The following GRIK4 variants were observed in gnomAD, a reference collection of about 807,000 sequenced individuals.
GRIK4 encodes glutamate receptor ionotropic, kainate 4.
In GRIK4, 40 loss-of-function variants were observed where a neutral mutation model predicts 104.9. The observed-to-expected ratio is 0.38, with a 90% CI of 0.30 to 0.50. The LOEUF (loss-of-function observed/expected upper bound fraction) is 0.50, where lower values mean the gene tolerates loss of function less well. Among genes scored for constraint, GRIK4 ranks in the 20% least tolerant of loss-of-function variants. GRIK4 has a pLI of 0.93. For missense variants in GRIK4, 1,047 were observed against 1,308.1 expected, an observed-to-expected ratio of 0.80 and a Z score of 3.08; for synonymous variants, 485 against 524.9, an observed-to-expected ratio of 0.92 and a Z score of 1.04.
At chr11:120,572,605 C>G (rs1423606020) in intron 1 of GRIK4, among the ~76,000 whole-genome samples, 1 of 152,194 alleles carries the variant, frequency 6.6e-6, no homozygotes, top group East Asian at 1.9e-4. Flanking sequence ...CAATCATCAC[C>G]TCCTAAAGCA....
intron 3 of GRIK4, among the ~76,000 whole-genome samples, chr11:120,769,461 A>G (rs1449580136): frequency 6.6e-6 from 1 of 152,228 alleles, no homozygotes; most frequent in African/African-American, 2.4e-5. Context: ...CTGTGTTCCA[A>G]TAAAACTTTA....
intron 3 of GRIK4, among the ~76,000 whole-genome samples, chr11:120,695,263 C>G (rs1027834396): frequency 6.6e-6 from 1 of 152,218 alleles, no homozygotes; most frequent in African/African-American, 2.4e-5. Flanking sequence ...GGCTGAGGGC[C>G]TTCAGCCACC....
chr11:120,658,810 A>G (rs1280803542), intron 2 of GRIK4, among the ~76,000 whole-genome samples: 3 of 125,916 alleles, frequency 2.4e-5, no homozygotes, highest in Non-Finnish European at 4.7e-5. Flanking sequence ...GTGCAGTGGC[A>G]CGATCTCGGC....
intron 3 of GRIK4, among the ~76,000 whole-genome samples, chr11:120,781,215 A>G (rs1264009784): frequency 1.3e-5 from 2 of 151,252 alleles, no homozygotes; most frequent in Non-Finnish European, 2.9e-5. Flanking sequence ...AGTCATCCTA[A>G]TGGGTGTGAG....
chr11:120,615,226 C>A (rs1162008667), intron 1 of GRIK4, among the ~76,000 whole-genome samples: 1 of 152,074 alleles, frequency 6.6e-6, no homozygotes, highest in African/African-American at 2.4e-5. Flanking sequence ...TTGTAGGAGG[C>A]CGATTGAGGC....
At chr11:120,835,229 A>C (rs55966937) in intron 7 of GRIK4, among the ~76,000 whole-genome samples, 1 of 152,112 alleles carries the variant, frequency 6.6e-6, no homozygotes, top group Non-Finnish European at 1.5e-5. Context: ...AAGTGTTCCT[A>C]TAAGAATCCT....
intron 3 of GRIK4, among the ~76,000 whole-genome samples, chr11:120,716,053 A>G (rs917247244): frequency 1.3e-4 from 20 of 151,986 alleles, no homozygotes; most frequent in African/African-American, 4.8e-4. Context: ...CTGGAGCCTG[A>G]TGTCAGCACT....
chr11:120,517,488 C>CCCCGCCTGTGCA (rs1947744645), intron 1 of GRIK4, among the ~76,000 whole-genome samples: 2 of 148,650 alleles, frequency 1.3e-5, no homozygotes, highest in Non-Finnish European at 3.0e-5. Context: ...CAAACGGTGC[C>CCCCGCCTGTGCA]CCCGCCTGTG....
chr11:120,933,710 A>G (rs1384688544), intron 13 of GRIK4, among the ~76,000 whole-genome samples: 1 of 152,216 alleles, frequency 6.6e-6, no homozygotes, highest in Non-Finnish European at 1.5e-5. Context: ...TGACTCTCAC[A>G]TAATATTGAT....
At chr11:120,516,066 A>AG (rs201801739) in intron 1 of GRIK4, among the ~76,000 whole-genome samples, 1,895 of 152,256 alleles carry the variant, frequency 0.012, 10 homozygotes, top group Non-Finnish European at 0.021. Context: ...AAAAACCAAG[A>AG]GGGAGACACT....
intron 19 of GRIK4, among the ~76,000 whole-genome samples, chr11:120,980,331 C>T (rs984217687): frequency 1.3e-5 from 2 of 152,188 alleles, no homozygotes; most frequent in Non-Finnish European, 2.9e-5. Flanking sequence ...GGTAATTCAT[C>T]CGTGTTGCAC....
At chr11:120,793,933 G>A in intron 3 of GRIK4, among the ~76,000 whole-genome samples, 1 of 150,376 alleles carries the variant, frequency 6.6e-6, no homozygotes, top group Non-Finnish European at 1.5e-5. Flanking sequence ...TTTAGGGGCT[G>A]AGAGCAGGTA....
At chr11:120,660,795 G>C (rs1488744850) in intron 3 of GRIK4, among the ~76,000 whole-genome samples, 2 of 152,192 alleles carry the variant, frequency 1.3e-5, no homozygotes. Context: ...TTCCTGGAGA[G>C]AGTGCTATGT....
rs996041497 is a variant in GRIK4, at chr11:120,987,287, G to T, written c.*1027G>T. The T allele has an allele frequency of 1.3e-5, 2 of 152,168 alleles. No individual in the cohort carries two copies. The highest frequency in any genetic ancestry group is 2.9e-5 in the Non-Finnish European group (2 of 68,046). The allele number at this position is 152,168 out of a possible 1,614,324, so 9.4% of individuals were successfully genotyped here. ...GGTGGAACGTGCCGTTCACAGAGGC[G>T]GAAGGACTGGGCCACCCCGTTGGTA... is the stretch of plus-strand genomic sequence containing the variant. On this transcript the variant is annotated 3_prime_UTR_variant, in exon 21 of 21. Transcript: ENST00000527524.
chr11:120,915,391 C>T (rs1450512578), intron 13 of GRIK4, among the ~76,000 whole-genome samples: 4 of 152,184 alleles, frequency 2.6e-5, no homozygotes, highest in East Asian at 1.9e-4. Flanking sequence ...TGACTGCAGC[C>T]GCCCTTTTTT....
chr11:120,692,386 G>A (rs144416980), intron 3 of GRIK4, among the ~76,000 whole-genome samples: 25 of 152,328 alleles, frequency 1.6e-4, no homozygotes, highest in Non-Finnish European at 2.8e-4. Flanking sequence ...ACAGAGATGG[G>A]TGAGACATGG....
At chr11:120,796,508 G>A (rs1339770938) in intron 3 of GRIK4, among the ~76,000 whole-genome samples, 5 of 152,094 alleles carry the variant, frequency 3.3e-5, no homozygotes, top group East Asian at 1.9e-4. Context: ...GGAGTTTCTC[G>A]GGAAATCCAA....
intron 1 of GRIK4, among the ~76,000 whole-genome samples, chr11:120,579,113 G>C (rs1037481923): frequency 6.6e-6 from 1 of 152,182 alleles, no homozygotes; most frequent in African/African-American, 2.4e-5. Flanking sequence ...CTGTATGCCA[G>C]GCCCTGTCCC....
intron 1 of GRIK4, among the ~76,000 whole-genome samples, chr11:120,540,774 C>G (rs1753172737): frequency 6.6e-6 from 1 of 151,908 alleles, no homozygotes; most frequent in Non-Finnish European, 1.5e-5. Context: ...GGTACAAGGA[C>G]AATAGCTTGC....
Sources: allele counts gnomAD v4.1 joint callset (sites outside exome capture counted in the v4.1 genomes callset), GRCh38; gene constraint gnomAD v4.1.1; transcripts MANE v1.5; gene names NCBI Gene and HGNC (gene_info 2026-07-23, HGNC 2026-07-21).